SPOCK3: variants seen among roughly 807,000 people sequenced by gnomAD.
SPOCK3 encodes the protein testican-3.
SPOCK3 carries 30 observed loss-of-function variants against 56.6 expected under a neutral mutation model. The ratio of observed to expected loss-of-function variants is 0.53; its 90% CI spans 0.40 to 0.72. The LOEUF (loss-of-function observed/expected upper bound fraction) is 0.72, where lower values mean the gene tolerates loss of function less well. Ranked by LOEUF, SPOCK3 falls within the 30% of genes least tolerant of loss-of-function variation. The pLI is 0.00. For missense variants in SPOCK3, 527 were observed against 530.0 expected (o/e 0.99, Z 0.06); for synonymous variants, 196 against 183.3 (o/e 1.07, Z -0.56).
intron 6 of SPOCK3, among the ~76,000 whole-genome samples, chr4:166,875,306 G>A (rs1181420806): frequency 6.6e-6 from 1 of 152,020 alleles, no homozygotes; most frequent in Non-Finnish European, 1.5e-5. Flanking sequence ...TCTAGTAGGT[G>A]TGATATTTTT....
intron 4 of SPOCK3, among the ~76,000 whole-genome samples, chr4:166,932,060 T>C (rs1221182038): frequency 1.3e-5 from 2 of 152,226 alleles, no homozygotes; most frequent in Non-Finnish European, 2.9e-5. Flanking sequence ...ATTTCAGTTA[T>C]TACCATTATT....
intron 4 of SPOCK3, among the ~76,000 whole-genome samples, chr4:166,976,581 A>G (rs1166664673): frequency 6.6e-6 from 1 of 152,018 alleles, no homozygotes; most frequent in Non-Finnish European, 1.5e-5. Context: ...GTTCTTCCAT[A>G]CTCAATGCAG....
chr4:167,003,398 A>T (rs898537534), intron 3 of SPOCK3, among the ~76,000 whole-genome samples: 1 of 152,206 alleles, frequency 6.6e-6, no homozygotes, highest in Admixed American at 6.5e-5. Flanking sequence ...ATTTTTTAGT[A>T]GAACTCACAT....
chr4:166,873,508 G>A (rs879776152), intron 6 of SPOCK3, among the ~76,000 whole-genome samples: 10 of 152,048 alleles, frequency 6.6e-5, no homozygotes, highest in Non-Finnish European at 1.3e-4. Context: ...GTGGATGTAT[G>A]GGTTATATGT....
At chr4:167,102,546 G>A (rs996590689) in intron 2 of SPOCK3, 3 of 152,314 alleles carry the variant, frequency 2.0e-5, no homozygotes, top group Non-Finnish European at 4.4e-5. Context: ...CCATGGCGTG[G>A]AGAATATGTG....
Position 166,839,923 on chromosome 4 carries a change from G to A in SPOCK3, c.590-47634C>T, listed in dbSNP as rs370150149. 1.4e-4 allele frequency among the ~76,000 whole-genome samples: 22 copies of A among 152,232 alleles called. No individual in the cohort carries two copies. In the East Asian group the frequency reaches 1.7e-3, roughly 12 times the overall value. On this transcript the variant is annotated intron_variant, in intron 6 of 10. Transcript: ENST00000357545. ...TAAAGAGGGGCTAATTTCACTTCGG[G>A]GAAATCTGTCCACTCTCCCTCTGAG...
chr4:166,845,086 T>C (rs1167038597), intron 6 of SPOCK3, among the ~76,000 whole-genome samples: 1 of 152,244 alleles, frequency 6.6e-6, no homozygotes, highest in Non-Finnish European at 1.5e-5. Context: ...TCTAAAATAA[T>C]TATGTTAAAC....
intron 6 of SPOCK3, among the ~76,000 whole-genome samples, chr4:166,835,831 C>T (rs923223000): frequency 1.3e-5 from 2 of 152,132 alleles, no homozygotes; most frequent in Admixed American, 1.3e-4. Flanking sequence ...GAAACCCTGT[C>T]TCCACTAAAA....
At chr4:167,023,168 C>G (rs1751362082) in intron 3 of SPOCK3, among the ~76,000 whole-genome samples, 1 of 151,882 alleles carries the variant, frequency 6.6e-6, no homozygotes, top group East Asian at 1.9e-4. Flanking sequence ...CCAAAACTGC[C>G]AAGAGCAGAG....
chr4:166,985,048 C>T (rs1035679211), intron 4 of SPOCK3, among the ~76,000 whole-genome samples: 7 of 152,028 alleles, frequency 4.6e-5, no homozygotes, highest in African/African-American at 1.7e-4. Context: ...ACTTTAGCTT[C>T]CAGAAGAGAA....
chr4:166,983,353 T>G (rs1048863683), intron 4 of SPOCK3, among the ~76,000 whole-genome samples: 2 of 152,140 alleles, frequency 1.3e-5, no homozygotes, highest in South Asian at 4.1e-4. Context: ...CTTTTCAGAC[T>G]TTAATAGTCA....
At chr4:167,070,390 T>C (rs575584689) in intron 2 of SPOCK3, among the ~76,000 whole-genome samples, 1 of 152,050 alleles carries the variant, frequency 6.6e-6, no homozygotes, top group Non-Finnish European at 1.5e-5. Flanking sequence ...GTTCCACTTA[T>C]TGACAAATAC....
chr4:166,767,658 A>G (rs575545019), intron 7 of SPOCK3, among the ~76,000 whole-genome samples: 151 of 152,318 alleles, frequency 9.9e-4, no homozygotes, highest in African/African-American at 3.0e-3. Flanking sequence ...AGAAGAATGT[A>G]TATTCTGTTG....
At chr4:166,855,470 C>T (rs1413165185) in intron 6 of SPOCK3, among the ~76,000 whole-genome samples, 1 of 152,122 alleles carries the variant, frequency 6.6e-6, no homozygotes, top group Non-Finnish European at 1.5e-5. Flanking sequence ...TTTTAACCAA[C>T]ATTTTTCCAT....
At chr4:166,912,510 TAA>T in intron 5 of SPOCK3, 108 bp downstream of exon 5, 1 of 1,072,364 alleles carries the variant, frequency 9.3e-7, no homozygotes, top group Admixed American at 2.5e-5. Flanking sequence ...ATTTATTTTA[TAA>T]GTTAAATGAA....
chr4:166,992,072 T>C (rs1747847811), intron 4 of SPOCK3, among the ~76,000 whole-genome samples: 1 of 152,186 alleles, frequency 6.6e-6, no homozygotes, highest in Non-Finnish European at 1.5e-5. Flanking sequence ...ATAAAATCCA[T>C]TTGCTGAATT....
intron 3 of SPOCK3, chr4:167,011,244 A>T (rs1750023901): frequency 2.2e-6 from 1 of 455,864 alleles, no homozygotes; most frequent in Admixed American, 2.4e-5. Context: ...AATCCAAAGG[A>T]AGGCAGTTAT....
intron 6 of SPOCK3, among the ~76,000 whole-genome samples, chr4:166,845,157 T>C (rs1327102962): frequency 2.6e-5 from 4 of 152,208 alleles, no homozygotes; most frequent in African/African-American, 4.8e-5. Context: ...AAATAATTTA[T>C]GAATCTTTGT....
intron 4 of SPOCK3, among the ~76,000 whole-genome samples, chr4:166,954,295 C>G (rs1001773803): frequency 6.6e-6 from 1 of 152,070 alleles, no homozygotes. Context: ...TGTACAGAAG[C>G]TTATAGTTTG....
Sources: allele counts gnomAD v4.1 joint callset (sites outside exome capture counted in the v4.1 genomes callset), GRCh38; gene constraint gnomAD v4.1.1; transcripts MANE v1.5; gene names NCBI Gene and HGNC (gene_info 2026-07-23, HGNC 2026-07-21).